Variants in ZNF234 observed in about 807,000 individuals in gnomAD.
ZNF234 encodes C2-H2 type zinc finger protein.
Under a neutral mutation model 10.3 loss-of-function variants are expected in ZNF234, and 4 were observed. That is an observed-to-expected ratio of 0.39 (90% confidence interval 0.19 to 0.89). ZNF234 has a LOEUF of 0.89. Ranked by LOEUF, ZNF234 falls within the 40% of genes least tolerant of loss-of-function variation. The probability of loss-of-function intolerance (pLI) is 0.38; values close to 1 mark genes in which losing one functional copy is unlikely to be tolerated. For missense variants in ZNF234, 711 were observed against 836.1 expected (o/e 0.85, Z 1.85); for synonymous variants, 258 against 280.1 (o/e 0.92, Z 0.79).
chr19:44,149,500 C>A (rs574944344), intron 4 of ZNF234, among the ~76,000 whole-genome samples: 1 of 152,066 alleles, frequency 6.6e-6, no homozygotes. Flanking sequence ...CAAGATGTAA[C>A]AGTTTTTCTG....
intron 5 of ZNF234, among the ~76,000 whole-genome samples, chr19:44,151,095 G>A (rs530314964): frequency 6.6e-6 from 1 of 151,874 alleles, no homozygotes; most frequent in South Asian, 2.1e-4. Context: ...TCTTAAAGGA[G>A]CTTATAGAGT....
chr19:44,155,587 C>A (rs1042225498), intron 5 of ZNF234, among the ~76,000 whole-genome samples: 5 of 152,158 alleles, frequency 3.3e-5, no homozygotes, highest in African/African-American at 1.2e-4. Flanking sequence ...TAAGTGAACA[C>A]ATGCAGGTCA....
At chr19:44,146,792 T>TTCTC (rs1228817257) in intron 3 of ZNF234, among the ~76,000 whole-genome samples, 1 of 135,500 alleles carries the variant, frequency 7.4e-6, no homozygotes, top group African/African-American at 3.3e-5. Context: ...GGTGCTTGCA[T>TTCTC]TCTCTCTCTC....
In ZNF234 at chr19:44,150,487, CA is replaced by C; in HGVS notation, c.220del (p.Arg74GlufsTer38). On this transcript the variant is annotated frameshift_variant, in exon 5 of 6. Transcript: ENST00000426739. LOFTEE classifies it low-confidence loss of function (END_TRUNC). The stretch of plus-strand genomic sequence containing the variant: ...GCTTGATATAATGAAGACAGCAACT[CA>C]AAGAAAAGGGAAATCAGGTAAGAAC... ...KKLDIMKTATQRKGKSADKIQ... is the reference protein window; with the variant it reads ...KKLDIMKTATXRKGKSADKIQ... The C allele has an allele frequency of 1.3e-6, 2 of 1,582,742 alleles. No homozygotes were observed. The highest frequency in any genetic ancestry group is 1.7e-4 in the Middle Eastern group (1 of 6,012).
rs781267313 is a variant in ZNF234, at chr19:44,156,981, G to A, written c.965G>A (p.Gly322Asp). The change falls in exon 6 of 6, where the codon GGT becomes GAT. Residue 322 changes from glycine (G) to aspartate (D), a missense_variant. Transcript: ENST00000426739. ...GEKPYKCEDC[G>D]KCFTCSSNLR... ...AAACCATACAAATGTGAGGACTGTGGTAAGTGTTTCACTTGTAGCTCAAAC... is the reference window on the plus strand; with the variant it reads ...AAACCATACAAATGTGAGGACTGTGATAAGTGTTTCACTTGTAGCTCAAAC... 9.3e-6 allele frequency: 15 copies of A among 1,613,928 alleles called. No homozygotes were observed. The highest frequency in any genetic ancestry group is 1.7e-5 in the Admixed American group (1 of 60,000).
intron 2 of ZNF234, among the ~76,000 whole-genome samples, chr19:44,144,169 C>T (rs1015102993): frequency 6.6e-6 from 1 of 152,146 alleles, no homozygotes; most frequent in Admixed American, 6.5e-5. Context: ...AGTTAATCCC[C>T]ATTCTTATCC....
rs1395655662 is a variant in ZNF234, at chr19:44,157,006, C to T, written c.990C>T (p.Asn330=). Residue 330 remains asparagine, a synonymous_variant, in exon 6 of 6, where the codon AAC becomes AAT. Transcript: ENST00000426739. The part of the protein sequence containing the change: ...DCGKCFTCSS[N]LRIHQRVHTG... The stretch of plus-strand genomic sequence containing the variant: ...GTAAGTGTTTCACTTGTAGCTCAAA[C>T]CTTCGTATCCATCAAAGGGTCCACA... 6 of 1,613,546 alleles carry T rather than the reference C, an allele frequency of 3.7e-6. No individual in the cohort carries two copies. Among genetic ancestry groups the T allele is most frequent in the South Asian group, 1.1e-5 (1 of 91,052 alleles).
At chr19:44,149,026 T>G in intron 4 of ZNF234, 129 bp downstream of exon 4, 1 of 1,104,340 alleles carries the variant, frequency 9.1e-7, no homozygotes. Flanking sequence ...CTATCAGTAG[T>G]TTTTAGTGAA....
intron 4 of ZNF234, among the ~76,000 whole-genome samples, chr19:44,149,381 G>C (rs1968681905): frequency 6.6e-6 from 1 of 152,194 alleles, no homozygotes; most frequent in African/African-American, 2.4e-5. Flanking sequence ...CCAGGAGGCA[G>C]AGGTTGTAGT....
chr19:44,157,378 AC>A lies in ZNF234; in HGVS notation c.1364del (p.Pro455LeufsTer22), dbSNP rs1467900698. ...IHLKAHSVQK[P>X]FKCEECGQGF... ...ATCTGAAAGCACATAGTGTACAGAAACCTTTTAAGTGTGAAGAGTGTGGGCA... is the reference window on the plus strand; with the variant it reads ...ATCTGAAAGCACATAGTGTACAGAAACTTTTAAGTGTGAAGAGTGTGGGCA... On this transcript the variant is annotated frameshift_variant, in exon 6 of 6. Coordinates refer to ENST00000426739, the MANE Select transcript of ZNF234 (RefSeq NM_006630.3). LOFTEE classifies it low-confidence loss of function (END_TRUNC). 3 of 1,613,898 alleles carry A rather than the reference AC, an allele frequency of 1.9e-6. No individual in the cohort carries two copies. The highest frequency in any genetic ancestry group is 2.5e-6 in the Non-Finnish European group (3 of 1,179,904).
At position 44,144,559 on chromosome 19, in the gene ZNF234, T is replaced by A. The variant is rs977382986; in HGVS notation, c.-74T>A. 1.3e-5 allele frequency: 18 copies of A among 1,387,676 alleles called. No individual in the cohort carries two copies. The African/African-American group carries it at 2.6e-4, about 20-fold the overall frequency. The allele number at this position is 1,387,676 out of a possible 1,614,324, so 86.0% of individuals were successfully genotyped here. A position where few individuals can be genotyped will look rare whatever the true frequency, so the allele number is the denominator to read the frequency against. ...GTCTCTTTTTGTGTCTTCCATAGTG[T>A]TCCAGGCACGATTCTGCCTTCTCTC... On this transcript the variant is annotated splice_region_variant and 5_prime_UTR_variant, in exon 3 of 6. Coordinates refer to ENST00000426739, the MANE Select transcript of ZNF234 (RefSeq NM_006630.3).
At position 44,157,365 on chromosome 19, in the gene ZNF234, A is replaced by G. The variant is rs748022147; in HGVS notation, c.1349A>G (p.His450Arg). The change falls in exon 6 of 6, where the codon CAT becomes CGT. Residue 450 changes from histidine to arginine, a missense_variant. By Grantham distance (29) the His-to-Arg change is conservative. Coordinates refer to ENST00000426739, the MANE Select transcript of ZNF234 (RefSeq NM_006630.3). ...SSYLKIHLKA[H>R]SVQKPFKCEE... ...TATCTTAAAATCCATCTGAAAGCAC[A>G]TAGTGTACAGAAACCTTTTAAGTGT... 1.9e-6 allele frequency: 3 copies of G among 1,614,012 alleles called. No individual in the cohort carries two copies. The highest frequency in any genetic ancestry group is 1.1e-5 in the South Asian group (1 of 91,082).
At chr19:44,145,827 T>G (rs890138509) in intron 3 of ZNF234, among the ~76,000 whole-genome samples, 1 of 152,254 alleles carries the variant, frequency 6.6e-6, no homozygotes, top group African/African-American at 2.4e-5. Context: ...TGTATGTATT[T>G]TATTTACTAG....
At chr19:44,153,382 A>G (rs1298476259) in intron 5 of ZNF234, among the ~76,000 whole-genome samples, 1 of 151,988 alleles carries the variant, frequency 6.6e-6, no homozygotes, top group African/African-American at 2.4e-5. Context: ...TGAAACAAAC[A>G]TTTCATGTCT....
Position 44,157,602 on chromosome 19 carries a change from C to T in ZNF234, c.1586C>T (p.Thr529Ile). 1.2e-6 allele frequency: 2 copies of T among 1,611,188 alleles called. No individual in the cohort carries two copies. Among genetic ancestry groups the T allele is most frequent in the Non-Finnish European group, 1.7e-6 (2 of 1,179,184 alleles). Residue 529 changes from threonine to isoleucine, a missense_variant, in exon 6 of 6, where the codon ACC (threonine) becomes ATC (isoleucine). By Grantham distance (89) the Thr-to-Ile change is moderately conservative (BLOSUM62 -1). Coordinates refer to ENST00000426739, the MANE Select transcript of ZNF234 (RefSeq NM_006630.3). ...KVFSQASHLLTHQRVHSGEKP... is the reference protein window; with the variant it reads ...KVFSQASHLLIHQRVHSGEKP... ...TTCAGTCAGGCCTCGCATCTTCTAA[C>T]CCATCAGAGAGTTCACAGTGGGGAA...
intron 5 of ZNF234, among the ~76,000 whole-genome samples, chr19:44,151,650 C>T (rs781488391): frequency 1.5e-4 from 23 of 152,186 alleles, no homozygotes; most frequent in African/African-American, 4.1e-4. Context: ...TGTTTCTTCC[C>T]GGAGGCTCTA....
Position 44,156,473 on chromosome 19 carries a change from T to C in ZNF234, c.457T>C (p.Tyr153His), listed in dbSNP as rs367645946. 2 of 1,613,896 alleles carry C rather than the reference T, an allele frequency of 1.2e-6. No individual in the cohort carries two copies. The highest frequency in any genetic ancestry group is 1.3e-5 in the African/African-American group (1 of 74,920). The change falls in exon 6 of 6, where the codon TAC becomes CAC. Residue 153 changes from tyrosine to histidine, a missense_variant. Tyr to His is a moderately conservative substitution (Grantham distance 83, BLOSUM62 2). Coordinates refer to ENST00000426739, the MANE Select transcript of ZNF234 (RefSeq NM_006630.3). ...ACAGAAATTTTACCAATGTGATGAGTACAAAAAATCCTTCACTGATGTCTT... is the reference window on the plus strand; with the variant it reads ...ACAGAAATTTTACCAATGTGATGAGCACAAAAAATCCTTCACTGATGTCTT... ...TGQKFYQCDEYKKSFTDVFNF... is the reference protein window; with the variant it reads ...TGQKFYQCDEHKKSFTDVFNF...
At position 44,157,173 on chromosome 19, in the gene ZNF234, GT is replaced by G; in HGVS notation, c.1161del (p.Gln388ArgfsTer24). 1 of 1,613,940 alleles carries G rather than the reference GT, an allele frequency of 6.2e-7. No individual in the cohort carries two copies. Among genetic ancestry groups the G allele is most frequent in the Non-Finnish European group, 8.5e-7 (1 of 1,179,950 alleles). ...GGTAAGGGTTTCATTTACAGTTCAA[GT>G]TTTCAGGCCCATCAGGGAGTCCACA... is the stretch of plus-strand genomic sequence containing the variant. ...VCGKGFIYSS[S>X]FQAHQGVHTG... On this transcript the variant is annotated frameshift_variant, in exon 6 of 6. Coordinates refer to ENST00000426739, the MANE Select transcript of ZNF234 (RefSeq NM_006630.3). LOFTEE classifies it low-confidence loss of function (END_TRUNC).
Position 44,158,121 on chromosome 19 carries a change from T to A in ZNF234, c.*2T>A, listed in dbSNP as rs1376582714. ...GAGGGAGGAAGTTCTACAAGGTGAT[T>A]AAAAAAAAAAAAACAGAACTCATGT... On this transcript the variant is annotated 3_prime_UTR_variant, in exon 6 of 6. Transcript: ENST00000426739. The A allele has an allele frequency of 3.4e-6, 5 of 1,452,950 alleles. No individual in the cohort carries two copies. The highest frequency in any genetic ancestry group is 2.1e-5 in the Admixed American group (1 of 47,884). 90.0% of individuals were successfully genotyped at this position (1,452,950 alleles called of 1,614,324 possible).
Sources: gnomAD v4.1 joint callset for allele counts (sites outside exome capture counted in the v4.1 genomes callset) on GRCh38, gnomAD v4.1.1 for gene constraint, MANE v1.5 for transcripts, NCBI Gene and HGNC (gene_info 2026-07-23, HGNC 2026-07-21) for gene names.